Variants in PCDHA9 observed in about 807,000 individuals in gnomAD.
PCDHA9 encodes protocadherin alpha-9.
In PCDHA9, 62 loss-of-function variants were observed where a neutral mutation model predicts 62.0. That is an observed-to-expected ratio of 1.00 (90% confidence interval 0.81 to 1.23). The LOEUF (loss-of-function observed/expected upper bound fraction) is 1.23, where lower values mean the gene tolerates loss of function less well. Ranked by LOEUF, PCDHA9 falls within the 50% of genes most tolerant of loss-of-function variation. PCDHA9 has a pLI of 0.00. For synonymous variants in PCDHA9, 557 were observed against 567.6 expected (o/e 0.98, Z 0.27); for missense variants, 1,205 against 1,249.8 (o/e 0.96, Z 0.54).
chr5:140,879,019 T>C (rs1554170641), intron 1 of PCDHA9, among the ~76,000 whole-genome samples: 2 of 152,216 alleles, frequency 1.3e-5, no homozygotes, highest in African/African-American at 4.8e-5. Flanking sequence ...AGATAATGTT[T>C]TATTGAAGAG....
At chr5:140,927,118 G>A in intron 1 of PCDHA9, 2 of 1,613,946 alleles carry the variant, frequency 1.2e-6, no homozygotes, top group Non-Finnish European at 1.7e-6. Context: ...CGGCAATTTG[G>A]TGGTCAGAGA....
intron 1 of PCDHA9, chr5:140,967,575 C>T: frequency 6.2e-7 from 1 of 1,614,156 alleles, no homozygotes. Context: ...CGGGAGGACT[C>T]ACCCCCAGGC....
At chr5:141,005,978 G>C (rs1226619772) in intron 3 of PCDHA9, among the ~76,000 whole-genome samples, 2 of 151,936 alleles carry the variant, frequency 1.3e-5, no homozygotes, top group African/African-American at 4.8e-5. Context: ...CAATTCCAAA[G>C]AGTGTTTGAG....
chr5:140,914,928 T>C lies in PCDHA9; in HGVS notation c.2395-64021T>C, dbSNP rs75399267. On this transcript the variant is annotated intron_variant, in intron 1 of 3. Coordinates refer to ENST00000532602, the MANE Select transcript of PCDHA9 (RefSeq NM_031857.2). ...TGTTTCTCTGTGTCTTATTGTACTA[T>C]GTTGTGAAAAGTTGTCTTTTTTTTT... Among the ~76,000 whole-genome samples the C allele has an allele frequency of 4.6e-3, 691 of 150,904 alleles. 3 individuals carry two copies. The highest frequency in any genetic ancestry group is 0.016 in the African/African-American group (668 of 41,182).
In PCDHA9 at chr5:140,884,802, ACTCTGC is replaced by A. The variant is rs2060361534; in HGVS notation, c.2394+33914_2394+33919del. The A allele has an allele frequency of 4.1e-6, 5 of 1,232,140 alleles. No individual in the cohort carries two copies. The South Asian group carries it at 9.1e-5, about 22-fold the overall frequency. The allele number at this position is 1,232,140 out of a possible 1,614,324, so 76.3% of individuals were successfully genotyped here. A position where few individuals can be genotyped will look rare whatever the true frequency, so the allele number is the denominator to read the frequency against. ...TTGCTAGTTGTTATCGAATTTAACA[ACTCTGC>A]TGTGGACATTATGTGTTGGATTATC... is the stretch of plus-strand genomic sequence containing the variant. On this transcript the variant is annotated intron_variant, in intron 1 of 3. Transcript: ENST00000532602.
At chr5:140,991,808 G>A (rs367660702) in intron 3 of PCDHA9, among the ~76,000 whole-genome samples, 4 of 152,074 alleles carry the variant, frequency 2.6e-5, no homozygotes, top group East Asian at 1.9e-4. Flanking sequence ...GGCCACTTCC[G>A]CATTTTTAGG....
intron 1 of PCDHA9, chr5:140,852,259 C>A: frequency 2.0e-6 from 1 of 509,052 alleles, no homozygotes; most frequent in Non-Finnish European, 2.6e-6. Flanking sequence ...TTGGAATATG[C>A]TACAATATTA....
intron 1 of PCDHA9, among the ~76,000 whole-genome samples, chr5:140,950,022 A>T (rs1355491628): frequency 6.6e-6 from 1 of 151,918 alleles, no homozygotes; most frequent in Non-Finnish European, 1.5e-5. Context: ...CCTTCATAAA[A>T]TATAGAAAAG....
intron 3 of PCDHA9, among the ~76,000 whole-genome samples, chr5:140,984,059 C>A (rs1269975627): frequency 6.6e-6 from 1 of 152,108 alleles, no homozygotes; most frequent in East Asian, 1.9e-4. Flanking sequence ...CAAATCTGTA[C>A]CCTCAGTGCC....
At position 140,869,261 on chromosome 5, in the gene PCDHA9, G is replaced by A. The variant is rs782291113; in HGVS notation, c.2394+18372G>A. 3 of 1,613,572 alleles carry A rather than the reference G, an allele frequency of 1.9e-6. No individual in the cohort carries two copies. In the Admixed American group the frequency reaches 5.0e-5, roughly 27 times the overall value. On this transcript the variant is annotated intron_variant, in intron 1 of 3. Transcript: ENST00000532602. ...GTGGGCCGCATCGCGCAGGACCTGG[G>A]GCTGGAGCTGGCGGAGCTGGTGCAG...
At chr5:140,969,228 G>A in intron 1 of PCDHA9, 1 of 1,614,176 alleles carries the variant, frequency 6.2e-7, no homozygotes, top group Non-Finnish European at 8.5e-7. Flanking sequence ...GGGCCTTCGG[G>A]AGCCCAAGCA....
chr5:140,850,674 C>T lies in PCDHA9; in HGVS notation c.2179C>T (p.Pro727Ser). 1 of 1,598,338 alleles carries T rather than the reference C, an allele frequency of 6.3e-7. No individual in the cohort carries two copies. Among genetic ancestry groups the T allele is most frequent in the Non-Finnish European group, 8.6e-7 (1 of 1,167,806 alleles). The change falls in exon 1 of 4, where the codon CCC (proline) becomes TCC (serine). Residue 727 changes from proline (P) to serine (S), a missense_variant. Transcript: ENST00000532602. ...LYTVLRCSAM[P>S]TEGECAPGKP... is the part of the protein sequence containing the mutation. ...CACTGTGCTGCGGTGCTCGGCGATG[C>T]CCACCGAGGGCGAGTGCGCGCCTGG...
At chr5:140,912,679 T>C (rs367681467) in intron 1 of PCDHA9, among the ~76,000 whole-genome samples, 6 of 152,216 alleles carry the variant, frequency 3.9e-5, no homozygotes, top group African/African-American at 1.4e-4. Context: ...CCTTGACTTA[T>C]TCCAGGTCTC....
chr5:140,882,392 G>T (rs781850899), intron 1 of PCDHA9: 5 of 1,614,058 alleles, frequency 3.1e-6, no homozygotes, highest in Middle Eastern at 1.6e-4. Flanking sequence ...AGCAAAACAC[G>T]GCACCTTCGT....
chr5:140,849,905 G>T lies in PCDHA9; in HGVS notation c.1410G>T (p.Pro470=), dbSNP rs373526467. The change falls in exon 1 of 4, where the codon CCG becomes CCT. Residue 470 remains proline, a synonymous_variant. Transcript: ENST00000532602. ...YTVFVKENNP[P]GCHIFTVSAR... is the part of the protein sequence containing the mutation. ...TGTTCGTGAAGGAGAACAACCCGCC[G>T]GGCTGCCACATCTTCACGGTGTCTG... 1 of 1,598,310 alleles carries T rather than the reference G, an allele frequency of 6.3e-7. No homozygotes were observed. The highest frequency in any genetic ancestry group is 8.6e-7 in the Non-Finnish European group (1 of 1,167,790).
chr5:140,972,241 GC>G (rs1162351861), intron 1 of PCDHA9, among the ~76,000 whole-genome samples: 1 of 151,838 alleles, frequency 6.6e-6, no homozygotes, highest in Non-Finnish European at 1.5e-5. Flanking sequence ...CTGGGCTCAA[GC>G]AATCCTCACA....
chr5:140,998,569 GTT>G (rs71574497), intron 3 of PCDHA9, among the ~76,000 whole-genome samples: 14 of 149,410 alleles, frequency 9.4e-5, no homozygotes, highest in Admixed American at 6.7e-4. Flanking sequence ...TTGTAAATAA[GTT>G]TTTTTTTTTT....
chr5:140,966,709 G>C, intron 1 of PCDHA9: 1 of 1,387,174 alleles, frequency 7.2e-7, no homozygotes. Context: ...CGTGGGGCAC[G>C]GCTGGGGAAG....
At chr5:140,924,105 C>A (rs140580566) in intron 1 of PCDHA9, among the ~76,000 whole-genome samples, 5 of 152,144 alleles carry the variant, frequency 3.3e-5, no homozygotes, top group Admixed American at 2.6e-4. Flanking sequence ...ATTTTCATTC[C>A]AAAGCAGTTA....
Sources: gnomAD v4.1 joint callset for allele counts (sites outside exome capture counted in the v4.1 genomes callset) on GRCh38, gnomAD v4.1.1 for gene constraint, MANE v1.5 for transcripts, NCBI Gene and HGNC (gene_info 2026-07-23, HGNC 2026-07-21) for gene names.